EVI5: variants seen among roughly 807,000 people sequenced by gnomAD.
The protein encoded by EVI5 is ecotropic viral integration site 5.
EVI5 carries 73 observed loss-of-function variants against 112.0 expected under a neutral mutation model. The observed-to-expected ratio is 0.65, with a 90% CI of 0.54 to 0.79. The LOEUF is 0.79. EVI5 is among the 30% of genes least tolerant of loss of function. The pLI, the probability that EVI5 is intolerant of heterozygous loss-of-function variation, is 0.00. For missense variants in EVI5, 900 were observed against 968.8 expected (o/e 0.93, Z 0.94); for synonymous variants, 305 against 319.9 (o/e 0.95, Z 0.50).
intron 10 of EVI5, among the ~76,000 whole-genome samples, chr1:92,672,829 T>C (rs1376492153): frequency 6.6e-6 from 1 of 152,150 alleles, no homozygotes; most frequent in Non-Finnish European, 1.5e-5. Context: ...CAGAGAAAAA[T>C]GGGCATCCAA....
At chr1:92,621,045 ACT>A (rs1396650671) in intron 16 of EVI5, among the ~76,000 whole-genome samples, 4 of 151,982 alleles carry the variant, frequency 2.6e-5, no homozygotes. Flanking sequence ...TTGAAGGTAA[ACT>A]CTATTTATTG....
chr1:92,634,162 G>A (rs572615639), intron 14 of EVI5, among the ~76,000 whole-genome samples: 2 of 152,184 alleles, frequency 1.3e-5, no homozygotes, highest in African/African-American at 4.8e-5. Context: ...ATGTGTCTTG[G>A]AGTTGCTCTT....
In EVI5 at chr1:92,752,791, T is replaced by C. The variant is rs554025299; in HGVS notation, c.-81-16164A>G. ...TTTCTCAAAAGCCGGTGTCATAGTA[T>C]TGGGTTCTATGAGCATCAAGCAGTG... On this transcript the variant is annotated intron_variant, in intron 1 of 19. Transcript: ENST00000684568. Among the ~76,000 whole-genome samples, 149 of 152,242 alleles carry C rather than the reference T, an allele frequency of 9.8e-4. 1 individual carries two copies. In the South Asian group the frequency reaches 0.018, roughly 18 times the overall value.
intron 19 of EVI5, among the ~76,000 whole-genome samples, chr1:92,519,118 C>G (rs1472212244): frequency 6.6e-6 from 1 of 152,018 alleles, no homozygotes; most frequent in Non-Finnish European, 1.5e-5. Context: ...TGATTTATCT[C>G]CCATAAACCA....
chr1:92,601,096 T>C (rs1189179331), intron 18 of EVI5, among the ~76,000 whole-genome samples: 3 of 152,106 alleles, frequency 2.0e-5, no homozygotes, highest in East Asian at 1.9e-4. Context: ...AGGCAAATAC[T>C]GAAAAAATAG....
chr1:92,674,236 A>G (rs1666348246), intron 10 of EVI5, among the ~76,000 whole-genome samples: 1 of 152,188 alleles, frequency 6.6e-6, no homozygotes, highest in South Asian at 2.1e-4. Context: ...CATGATTAGA[A>G]TGAGTTGTCA....
At chr1:92,566,332 T>G (rs1669486238) in intron 18 of EVI5, among the ~76,000 whole-genome samples, 1 of 152,184 alleles carries the variant, frequency 6.6e-6, no homozygotes, top group Admixed American at 6.5e-5. Context: ...AATGACGGAA[T>G]GAATACATGA....
intron 10 of EVI5, among the ~76,000 whole-genome samples, chr1:92,670,693 T>C (rs140916739): frequency 2.6e-4 from 40 of 152,306 alleles, no homozygotes; most frequent in African/African-American, 8.9e-4. Context: ...AGGTCACTAT[T>C]TCATACCTAT....
chr1:92,776,379 A>C (rs1417065468), intron 1 of EVI5, among the ~76,000 whole-genome samples: 1 of 152,160 alleles, frequency 6.6e-6, no homozygotes, highest in Non-Finnish European at 1.5e-5. Flanking sequence ...TTAGTGTTTT[A>C]AAGAAAATAA....
At chr1:92,632,953 G>A (rs1244063632) in intron 14 of EVI5, among the ~76,000 whole-genome samples, 1 of 152,168 alleles carries the variant, frequency 6.6e-6, no homozygotes, top group Non-Finnish European at 1.5e-5. Context: ...TTCAGGAGCA[G>A]GTTGTTCAGT....
chr1:92,761,416 T>C (rs976706235), intron 1 of EVI5, among the ~76,000 whole-genome samples: 2 of 152,208 alleles, frequency 1.3e-5, no homozygotes, highest in Non-Finnish European at 2.9e-5. Flanking sequence ...CCAAAATAAA[T>C]AGCAATATAT....
intron 19 of EVI5, among the ~76,000 whole-genome samples, chr1:92,544,505 A>G (rs147281741): frequency 4.6e-5 from 7 of 152,304 alleles, no homozygotes; most frequent in African/African-American, 1.7e-4. Context: ...TTCTACATCC[A>G]GTTTTTTCCT....
intron 13 of EVI5, among the ~76,000 whole-genome samples, chr1:92,655,365 A>C (rs927956631): frequency 4.6e-5 from 7 of 152,080 alleles, no homozygotes; most frequent in African/African-American, 1.7e-4. Flanking sequence ...GTCAACCATG[A>C]ATTTTTTATC....
intron 2 of EVI5, among the ~76,000 whole-genome samples, chr1:92,716,694 AACCC>A (rs544202416): frequency 2.0e-5 from 3 of 151,238 alleles, no homozygotes; most frequent in African/African-American, 7.3e-5. Context: ...AGGATGTTCA[AACCC>A]ATCACAAGGA....
intron 13 of EVI5, among the ~76,000 whole-genome samples, chr1:92,646,187 A>C (rs1660925914): frequency 6.6e-6 from 1 of 152,234 alleles, no homozygotes; most frequent in Admixed American, 6.5e-5. Context: ...AAAATTCTAA[A>C]ATCATTTTTA....
chr1:92,725,136 A>G (rs1276811202), intron 2 of EVI5, among the ~76,000 whole-genome samples: 2 of 152,230 alleles, frequency 1.3e-5, no homozygotes, highest in Non-Finnish European at 2.9e-5. Flanking sequence ...AGATAGGTAG[A>G]TCTCCATCAA....
intron 9 of EVI5, among the ~76,000 whole-genome samples, chr1:92,679,958 T>C (rs1667336666): frequency 1.3e-5 from 2 of 152,074 alleles, no homozygotes; most frequent in South Asian, 2.1e-4. Flanking sequence ...GCTGAAGGAG[T>C]ACACACCAGG....
chr1:92,723,360 G>A (rs575792674), intron 2 of EVI5, among the ~76,000 whole-genome samples: 7 of 152,276 alleles, frequency 4.6e-5, no homozygotes, highest in Non-Finnish European at 1.0e-4. Flanking sequence ...GACCCTGAAC[G>A]GAGGGACCGG....
chr1:92,730,094 A>C (rs1676200329), intron 2 of EVI5, among the ~76,000 whole-genome samples: 1 of 152,228 alleles, frequency 6.6e-6, no homozygotes. Context: ...TGTCAAGTGC[A>C]ATAGCTAATG....
Sources: gnomAD v4.1 joint callset for allele counts (sites outside exome capture counted in the v4.1 genomes callset) on GRCh38, gnomAD v4.1.1 for gene constraint, MANE v1.5 for transcripts, NCBI Gene and HGNC (gene_info 2026-07-23, HGNC 2026-07-21) for gene names.